TMEM117: variants seen among roughly 807,000 people sequenced by gnomAD.
TMEM117 encodes transmembrane protein 117.
Under a neutral mutation model 52.4 loss-of-function variants are expected in TMEM117, and 27 were observed. That is an observed-to-expected ratio of 0.51 (90% CI 0.38 to 0.71). The LOEUF is 0.71. Ranked by LOEUF, TMEM117 falls within the 30% of genes least tolerant of loss-of-function variation. The probability of loss-of-function intolerance (pLI) is 0.00; values close to 1 mark genes in which losing one functional copy is unlikely to be tolerated. For synonymous variants in TMEM117, 215 were observed against 206.3 expected (o/e 1.04, Z -0.36); for missense variants, 556 against 630.5 (o/e 0.88, Z 1.26).
chr12:44,278,261 C>T (rs754586068), intron 5 of TMEM117, among the ~76,000 whole-genome samples: 20 of 152,104 alleles, frequency 1.3e-4, no homozygotes, highest in Admixed American at 6.6e-4. Context: ...AGAGATTACA[C>T]GAGAGCAAGC....
chr12:43,828,030 C>T, the TMEM117 span, among the ~76,000 whole-genome samples: 1 of 152,186 alleles, frequency 6.6e-6, no homozygotes, highest in South Asian at 2.1e-4. Context: ...CTAGAACCTT[C>T]AGAGGGAATG....
intron 5 of TMEM117, among the ~76,000 whole-genome samples, chr12:44,236,366 C>A (rs1725745928): frequency 6.6e-6 from 1 of 151,986 alleles, no homozygotes; most frequent in Non-Finnish European, 1.5e-5. Flanking sequence ...GTTCTCCTAG[C>A]CTATTTCTAG....
chr12:43,910,499 A>G (rs1223231651), intron 2 of TMEM117, among the ~76,000 whole-genome samples: 1 of 142,996 alleles, frequency 7.0e-6, no homozygotes. Flanking sequence ...GGCCAGGGCA[A>G]TTAGGCAGGA....
chr12:44,036,009 C>G (rs1946704726), intron 3 of TMEM117, among the ~76,000 whole-genome samples: 1 of 152,124 alleles, frequency 6.6e-6, no homozygotes, highest in Non-Finnish European at 1.5e-5. Flanking sequence ...TGTTTTCTAG[C>G]TCTTTGTTCT....
chr12:44,013,226 C>T (rs960693302), intron 3 of TMEM117, among the ~76,000 whole-genome samples: 8 of 152,112 alleles, frequency 5.3e-5, no homozygotes, highest in Admixed American at 1.3e-4. Flanking sequence ...GATGGGGTTT[C>T]GCCATGTTGC....
At chr12:43,805,845 C>A in the TMEM117 span, 1 of 1,404,642 alleles carries the variant, frequency 7.1e-7, no homozygotes, top group Non-Finnish European at 9.5e-7. Context: ...TTCTCGACAG[C>A]GTACTGAAGC....
Position 44,388,537 on chromosome 12 carries a change from G to T in TMEM117, c.1410G>T (p.Arg470Ser). Residue 470 changes from arginine to serine, a missense_variant, in exon 8 of 8, where the codon AGG becomes AGT. This residue lies in a region of TMEM117 where 206 missense variants were observed against 211.1 expected (regional missense o/e 0.98). Coordinates refer to ENST00000266534, the MANE Select transcript of TMEM117 (RefSeq NM_032256.3). ...ATGACCCTTCTTTGGTTTGCATCAG[G>T]TCTGACTTCAATGAGATCGTCTACA... ...PLNDPSLVCIRSDFNEIVYKS... is the reference protein window; with the variant it reads ...PLNDPSLVCISSDFNEIVYKS... 1 of 1,613,570 alleles carries T rather than the reference G, an allele frequency of 6.2e-7. No individual in the cohort carries two copies. The highest frequency in any genetic ancestry group is 8.5e-7 in the Non-Finnish European group (1 of 1,179,640).
chr12:43,887,006 A>C (rs1731430), intron 2 of TMEM117, among the ~76,000 whole-genome samples: 108,968 of 151,966 alleles, frequency 0.72, 42,165 homozygotes, highest in East Asian at 0.87. Context: ...TGCCACGACA[A>C]CCAGCTAATT....
At chr12:44,198,275 G>A (rs1949447325) in intron 4 of TMEM117, among the ~76,000 whole-genome samples, 2 of 152,154 alleles carry the variant, frequency 1.3e-5, no homozygotes, top group African/African-American at 4.8e-5. Context: ...ATCCTATATA[G>A]TACAGTATTT....
intron 3 of TMEM117, among the ~76,000 whole-genome samples, chr12:44,101,162 C>CTTT (rs1947854016): frequency 6.7e-6 from 1 of 148,248 alleles, no homozygotes; most frequent in Non-Finnish European, 1.5e-5. Flanking sequence ...GCCCCACCTC[C>CTTT]TAATACCACC....
intron 2 of TMEM117, among the ~76,000 whole-genome samples, chr12:43,898,479 A>G (rs913566148): frequency 1.3e-5 from 2 of 151,794 alleles, no homozygotes; most frequent in Non-Finnish European, 2.9e-5. Flanking sequence ...TTAATAATAG[A>G]CCCTACTTGA....
chr12:44,010,386 G>A (rs923462182), intron 3 of TMEM117, among the ~76,000 whole-genome samples: 3 of 152,094 alleles, frequency 2.0e-5, no homozygotes, highest in African/African-American at 7.2e-5. Context: ...ATGGGGAAGC[G>A]GTGTCAGGAA....
intron 5 of TMEM117, among the ~76,000 whole-genome samples, chr12:44,263,002 T>A (rs954868683): frequency 2.6e-5 from 4 of 152,244 alleles, no homozygotes; most frequent in Non-Finnish European, 2.9e-5. Flanking sequence ...CTCTATTTTT[T>A]ATGCAATAAT....
chr12:43,962,931 G>A (rs1420355078), intron 3 of TMEM117, among the ~76,000 whole-genome samples: 11 of 148,894 alleles, frequency 7.4e-5, no homozygotes, highest in Admixed American at 2.0e-4. Context: ...CTGAGACTCC[G>A]TTTAAAAAAA....
At chr12:43,984,847 C>T (rs1233958068) in intron 3 of TMEM117, among the ~76,000 whole-genome samples, 4 of 151,954 alleles carry the variant, frequency 2.6e-5, no homozygotes, top group Non-Finnish European at 4.4e-5. Context: ...GCCCACATAC[C>T]GAAATGTCTT....
At chr12:44,373,376 G>A (rs1274956333) in intron 6 of TMEM117, among the ~76,000 whole-genome samples, 5 of 152,248 alleles carry the variant, frequency 3.3e-5, no homozygotes, top group African/African-American at 1.2e-4. Context: ...CTGGGCAAAG[G>A]CCCCAGGGGG....
At chr12:43,872,308 A>G (rs539438396) in intron 2 of TMEM117, among the ~76,000 whole-genome samples, 1 of 152,198 alleles carries the variant, frequency 6.6e-6, no homozygotes, top group Non-Finnish European at 1.5e-5. Context: ...CTTGAAAACA[A>G]TATTGGCACA....
intron 5 of TMEM117, among the ~76,000 whole-genome samples, chr12:44,253,834 CTACACA>C: frequency 9.2e-6 from 1 of 108,860 alleles, no homozygotes. Flanking sequence ...CTGATAATTC[CTACACA>C]CACACACACA....
chr12:44,305,147 T>C (rs1445185771), intron 6 of TMEM117, among the ~76,000 whole-genome samples: 2 of 152,082 alleles, frequency 1.3e-5, no homozygotes, highest in African/African-American at 4.8e-5. Context: ...AGCCATTGGA[T>C]CTTGTGTGAA....
Sources: gnomAD v4.1 joint callset for allele counts (sites outside exome capture counted in the v4.1 genomes callset) on GRCh38, gnomAD v4.1.1 for gene constraint, gnomAD v4.1.1 regional missense constraint, MANE v1.5 for transcripts, NCBI Gene and HGNC (gene_info 2026-07-23, HGNC 2026-07-21) for gene names.